Variants in ITGAD observed in about 807,000 individuals in gnomAD.
ITGAD encodes integrin alpha-D.
A neutral mutation model predicts 139.0 loss-of-function variants in ITGAD; 105 were observed. The ratio of observed to expected loss-of-function variants is 0.76; its 90% CI spans 0.65 to 0.89. The LOEUF (loss-of-function observed/expected upper bound fraction) is 0.89, where lower values mean the gene tolerates loss of function less well. Among genes scored for constraint, ITGAD ranks in the 40% least tolerant of loss-of-function variants. The pLI, the probability that ITGAD is intolerant of heterozygous loss-of-function variation, is 0.00. For synonymous variants in ITGAD, 569 were observed against 598.3 expected (o/e 0.95, Z 0.71); for missense variants, 1,384 against 1,487.3 (o/e 0.93, Z 1.14).
chr16:31,418,082 C>T lies in ITGAD; in HGVS notation c.2507C>T (p.Pro836Leu). 1 of 1,613,886 alleles carries T rather than the reference C, an allele frequency of 6.2e-7. No individual in the cohort carries two copies. Among genetic ancestry groups the T allele is most frequent in the Non-Finnish European group, 8.5e-7 (1 of 1,179,834 alleles). The part of the protein sequence containing the change: ...HRRVSGAQKQ[P>L]HQSALRLACE... The stretch of plus-strand genomic sequence containing the variant: ...TTCATTCTCCTCCCCTAGAAGCAGC[C>T]CCATCAGAGTGCCCTGCGCCTGGCA... Residue 836 changes from proline (P) to leucine (L), a missense_variant, in exon 21 of 30, where the codon CCC becomes CTC. By Grantham distance (98) the Pro-to-Leu change is moderately conservative. Coordinates refer to ENST00000389202, the MANE Select transcript of ITGAD (RefSeq NM_005353.3).
chr16:31,412,259 G>A (rs1324575236), intron 14 of ITGAD, among the ~76,000 whole-genome samples: 5 of 152,018 alleles, frequency 3.3e-5, no homozygotes, highest in East Asian at 1.9e-4. Context: ...GGCCAGGCTG[G>A]TCTCGAACTC....
At chr16:31,423,000 C>A in intron 23 of ITGAD, 114 bp from the exon 24 acceptor site, 2 of 833,198 alleles carry the variant, frequency 2.4e-6, no homozygotes, top group South Asian at 1.4e-5. Context: ...CAAATAATGT[C>A]CATCGTTATT....
intron 10 of ITGAD, 110 bp downstream of exon 10, chr16:31,408,608 G>A (rs1333446399): frequency 6.6e-6 from 6 of 910,106 alleles, no homozygotes; most frequent in Admixed American, 4.3e-5. Context: ...ATCCTCAATC[G>A]CCAGGGAGAG....
rs1344977420 is a variant in ITGAD at position 31,410,387 on chromosome 16, C to T, written c.1084-8C>T. ...TCTCTGCCCAGCCCTGGAATTCTTT[C>T]CTCCCAGGATGGCCTCTTCCTGGGG... On this transcript the variant is annotated splice_region_variant and splice_polypyrimidine_tract_variant and intron_variant, in intron 10 of 29. Transcript: ENST00000389202. 5.0e-6 allele frequency: 8 copies of T among 1,613,758 alleles called. No individual in the cohort carries two copies. The Admixed American group carries it at 8.3e-5, about 17-fold the overall frequency.
Position 31,416,221 on chromosome 16 carries a change from C to T in ITGAD, c.2292C>T (p.Phe764=), listed in dbSNP as rs1374291141. The T allele has an allele frequency of 6.2e-6, 10 of 1,604,994 alleles. No homozygotes were observed. Among genetic ancestry groups the T allele is most frequent in the South Asian group, 2.2e-5 (2 of 89,700 alleles). Residue 764 remains phenylalanine (F), a synonymous_variant, in exon 19 of 30, where the codon TTC becomes TTT. Transcript: ENST00000389202. ...SQDLFTASLP[F]EKNCGQDGLC... ...ATACTATTTTGCTGCAGCTCCCCTT[C>T]GAGAAGAACTGTGGGCAAGATGGCC...
rs2081566183 is a variant in ITGAD at position 31,407,453 on chromosome 16, AATG to A, written c.705-58_705-56del. 19 of 1,456,108 alleles carry A rather than the reference AATG, an allele frequency of 1.3e-5. No individual in the cohort carries two copies. The South Asian group carries it at 2.5e-4, about 19-fold the overall frequency. The allele number at this position is 1,456,108 out of a possible 1,614,324, so 90.2% of individuals were successfully genotyped here. On this transcript the variant is annotated intron_variant, in intron 7 of 29. Transcript: ENST00000389202. ...AGCCTCTCCAGATGAGAGGACTGCA[AATG>A]ATGTCTTTCCAGAATCAATCACATC...
intron 10 of ITGAD, among the ~76,000 whole-genome samples, chr16:31,408,912 G>T (rs886080561): frequency 6.6e-6 from 1 of 152,202 alleles, no homozygotes; most frequent in African/African-American, 2.4e-5. Flanking sequence ...AGCCCAGGGA[G>T]CCCAGGCAGC....
At position 31,399,471 on chromosome 16, in the gene ITGAD, C is replaced by T. The variant is rs532860615; in HGVS notation, c.427+1562C>T. 4.6e-5 allele frequency among the ~76,000 whole-genome samples: 7 copies of T among 152,230 alleles called. No individual in the cohort carries two copies. In the East Asian group the frequency reaches 1.4e-3, roughly 29 times the overall value. On this transcript the variant is annotated intron_variant, in intron 5 of 29. Transcript: ENST00000389202. Reference sequence around the variant, plus strand: ...CTTCAGACCAGAGAGGCCATGATGACAGGCATGCTGGGCCTTTAGACAAAG... The same window carrying T: ...CTTCAGACCAGAGAGGCCATGATGATAGGCATGCTGGGCCTTTAGACAAAG...
Position 31,403,324 on chromosome 16 carries a change from A to G in ITGAD, c.559-176A>G. 1.4e-6 allele frequency: 1 copy of G among 712,132 alleles called. No individual in the cohort carries two copies. Among genetic ancestry groups the G allele is most frequent in the Non-Finnish European group, 2.3e-6 (1 of 436,854 alleles). 44.1% of individuals were successfully genotyped at this position (712,132 alleles called of 1,614,324 possible). On this transcript the variant is annotated intron_variant, in intron 6 of 29. Coordinates refer to ENST00000389202, the MANE Select transcript of ITGAD (RefSeq NM_005353.3). This position sits in a 1 kb window ranked among gnomAD's most constrained non-coding sequence, Gnocchi z 4.4. ...CCTTGTCTCTACCAAAAACAAAACA[A>G]AACAAAAAACAAAGCCAGGCATGTG...
chr16:31,418,649 T>C, intron 23 of ITGAD, 85 bp downstream of exon 23: 1 of 995,108 alleles, frequency 1.0e-6, no homozygotes, highest in South Asian at 1.3e-5. Context: ...GCTCTTCCAA[T>C]GATGCACATC....
At chr16:31,422,495 C>T (rs2082027471) in intron 23 of ITGAD, among the ~76,000 whole-genome samples, 1 of 152,168 alleles carries the variant, frequency 6.6e-6, no homozygotes, top group Admixed American at 6.5e-5. Context: ...TGAAGGGGCC[C>T]TCACTCCATG....
rs753542730 is a variant in ITGAD, at chr16:31,416,607, T to C, written c.2460T>C (p.Tyr820=). The change falls in exon 20 of 30, where the codon TAT becomes TAC. Residue 820 remains tyrosine (Y), a synonymous_variant. Coordinates refer to ENST00000389202, the MANE Select transcript of ITGAD (RefSeq NM_005353.3). ...ACGGAACCGTGGTCAGCCTCTACTA[T>C]CCAGCAGGGCTGTCGCACCGACGGG... is the stretch of plus-strand genomic sequence containing the variant. ...DSYGTVVSLY[Y]PAGLSHRRVS... The C allele has an allele frequency of 6.2e-7, 1 of 1,613,248 alleles. No homozygotes were observed. Among genetic ancestry groups the C allele is most frequent in the South Asian group, 1.1e-5 (1 of 91,064 alleles).
chr16:31,412,479 C>T (rs2081752711), intron 14 of ITGAD, among the ~76,000 whole-genome samples: 1 of 152,238 alleles, frequency 6.6e-6, no homozygotes, highest in Admixed American at 6.5e-5. Flanking sequence ...CCGCCACTCC[C>T]ATCTCTCTGG....
rs2082073347 is a variant in ITGAD at position 31,424,505 on chromosome 16, C to T, written c.3300C>T (p.Ala1100=). The T allele has an allele frequency of 6.2e-7, 1 of 1,613,998 alleles. No homozygotes were observed. Among genetic ancestry groups the T allele is most frequent in the Non-Finnish European group, 8.5e-7 (1 of 1,179,938 alleles). ...MVLEEDEVYN[A]IPIIMGSSVG... ...TAGAAGAAGACGAGGTCTACAATGC[C>T]ATTCCCATCATCATGGGCAGCTCTG... Residue 1100 remains alanine (A), a synonymous_variant, in exon 29 of 30, where the codon GCC becomes GCT. Coordinates refer to ENST00000389202, the MANE Select transcript of ITGAD (RefSeq NM_005353.3).
intron 23 of ITGAD, among the ~76,000 whole-genome samples, chr16:31,421,568 G>C (rs1597161881): frequency 6.6e-6 from 1 of 152,190 alleles, no homozygotes; most frequent in East Asian, 1.9e-4. Flanking sequence ...GAAGGGTTTG[G>C]GGTGGGGGGC....
chr16:31,402,395 T>C (rs1233672596), intron 6 of ITGAD, 150 bp downstream of exon 6: 7 of 644,546 alleles, frequency 1.1e-5, no homozygotes, highest in Non-Finnish European at 1.8e-5. Flanking sequence ...CAGGCCCAAC[T>C]TGAGCCCTGA....
In ITGAD at chr16:31,418,719, G is replaced by C. The variant is rs184308663; in HGVS notation, c.2780+155G>C. Among the ~76,000 whole-genome samples, 45 of 152,286 alleles carry C rather than the reference G, an allele frequency of 3.0e-4. 1 individual carries two copies. Among genetic ancestry groups the C allele is most frequent in the East Asian group, 2.9e-3 (15 of 5,170 alleles). On this transcript the variant is annotated intron_variant, in intron 23 of 29. Transcript: ENST00000389202. ...AATGGCCATATATAATGACATTTAT[G>C]CTGCATAAAGATGTTTCTGGGCTGG...
chr16:31,411,240 C>G (rs1226978596), intron 13 of ITGAD, 24 bp downstream of exon 13: 3 of 1,611,276 alleles, frequency 1.9e-6, no homozygotes, highest in South Asian at 1.1e-5. Flanking sequence ...GGGACCTAGG[C>G]TGGGTGGGGT....
chr16:31,423,215 T>C, intron 24 of ITGAD, 23 bp downstream of exon 24: 1 of 1,608,026 alleles, frequency 6.2e-7, no homozygotes, highest in Non-Finnish European at 8.5e-7. Context: ...GGAGTATCCA[T>C]GTCTGCCTTC....
Sources: allele counts gnomAD v4.1 joint callset (sites outside exome capture counted in the v4.1 genomes callset), GRCh38; gene constraint gnomAD v4.1.1; non-coding constraint Gnocchi (gnomAD v3.1); transcripts MANE v1.5; gene names NCBI Gene and HGNC (gene_info 2026-07-23, HGNC 2026-07-21).